Variants in ADCY8 observed in about 807,000 individuals in gnomAD.
ADCY8 encodes the protein adenylate cyclase 8.
A neutral mutation model predicts 119.7 loss-of-function variants in ADCY8; 51 were observed. The ratio of observed to expected loss-of-function variants is 0.43; its 90% CI spans 0.34 to 0.54. The LOEUF (loss-of-function observed/expected upper bound fraction) is 0.54. Ranked by LOEUF, ADCY8 falls within the 20% of genes least tolerant of loss-of-function variation. ADCY8 has a pLI of 0.03. For missense variants in ADCY8, 1,383 were observed against 1,598.8 expected, an observed-to-expected ratio of 0.87 and a Z score of 2.30; for synonymous variants, 665 against 651.0, an observed-to-expected ratio of 1.02 and a Z score of -0.33.
intron 7 of ADCY8, among the ~76,000 whole-genome samples, chr8:130,893,722 G>A (rs1431545448): frequency 1.5e-4 from 23 of 151,616 alleles, no homozygotes; most frequent in African/African-American, 4.1e-4. Flanking sequence ...GCATGTTTAT[G>A]TGTGTGTTTG....
Position 130,884,580 on chromosome 8 carries a change from G to A in ADCY8, c.2093C>T (p.Ser698Phe). The A allele has an allele frequency of 6.2e-7, 1 of 1,613,790 alleles. No homozygotes were observed. ...CAGCTCTACCTTGTGCTCCAGGCTG[G>A]AGTCTTTAAACATCAGTGAGAATGG... is the stretch of plus-strand genomic sequence containing the variant. ...IKPFSLMFKD[S>F]SLEHKYSQMR... Residue 698 changes from serine (S) to phenylalanine (F), a missense_variant, in exon 8 of 18, where the codon TCC (serine) becomes TTC (phenylalanine). By Grantham distance (155) the Ser-to-Phe change is radical (BLOSUM62 -2). Transcript: ENST00000286355.
chr8:130,864,824 G>C (rs920763981), intron 9 of ADCY8, among the ~76,000 whole-genome samples: 7 of 151,874 alleles, frequency 4.6e-5, no homozygotes, highest in Admixed American at 4.6e-4. Context: ...AAAATTCCCT[G>C]TATGATAATT....
intron 5 of ADCY8, among the ~76,000 whole-genome samples, chr8:130,931,893 A>G (rs1320201761): frequency 6.6e-6 from 1 of 152,024 alleles, no homozygotes; most frequent in African/African-American, 2.4e-5. Flanking sequence ...GGGATTCCTT[A>G]AAATAGTTAT....
intron 3 of ADCY8, among the ~76,000 whole-genome samples, chr8:130,948,346 C>G (rs530751604): frequency 1.3e-5 from 2 of 152,268 alleles, no homozygotes; most frequent in African/African-American, 4.8e-5. Flanking sequence ...CAGTAAAAAG[C>G]TGGTGGCCAG....
chr8:130,859,023 TAGACTC>T (rs1287849287), intron 9 of ADCY8, among the ~76,000 whole-genome samples: 2 of 152,144 alleles, frequency 1.3e-5, no homozygotes, highest in Admixed American at 6.5e-5. Flanking sequence ...GTCTCACTGT[TAGACTC>T]AGACAGTTCT....
intron 14 of ADCY8, among the ~76,000 whole-genome samples, chr8:130,811,315 A>G (rs771434421): frequency 5.9e-5 from 9 of 152,090 alleles, no homozygotes; most frequent in East Asian, 1.9e-4. Context: ...TCTGCCCTCT[A>G]TGGTCCTAAG....
chr8:131,032,392 A>G (rs1273368135), intron 1 of ADCY8, among the ~76,000 whole-genome samples: 1 of 152,214 alleles, frequency 6.6e-6, no homozygotes, highest in Admixed American at 6.5e-5. Context: ...ATTAAAATAT[A>G]TGATCTAGTT....
chr8:130,935,128 G>A lies in ADCY8; in HGVS notation c.1481+1945C>T, dbSNP rs367603439. The stretch of plus-strand genomic sequence containing the variant: ...CTGTCACTATGGACACATGCCTTCT[G>A]CTGATGGAAAGGTACTAAAAAGATT... On this transcript the variant is annotated intron_variant, in intron 5 of 17. Coordinates refer to ENST00000286355, the MANE Select transcript of ADCY8 (RefSeq NM_001115.3). 3.3e-5 allele frequency among the ~76,000 whole-genome samples: 5 copies of A among 152,296 alleles called. No individual in the cohort carries two copies. The East Asian group carries it at 9.7e-4, about 29-fold the overall frequency.
In ADCY8 at chr8:130,884,654, A is replaced by G. The variant is rs780285802; in HGVS notation, c.2019T>C (p.His673=). 2 of 1,613,842 alleles carry G rather than the reference A, an allele frequency of 1.2e-6. No individual in the cohort carries two copies. Among genetic ancestry groups the G allele is most frequent in the Non-Finnish European group, 1.7e-6 (2 of 1,179,850 alleles). The change falls in exon 8 of 18, where the codon CAT becomes CAC. Residue 673 remains histidine (H), a synonymous_variant. Transcript: ENST00000286355. ...TATCGCCACTCCGCAAGTCGATGGT[A>G]TGTTCTATTCTCTTGTTAATTTCCT... The part of the protein sequence containing the change: ...GPEEINKRIE[H]TIDLRSGDKL...
chr8:130,873,835 TGA>T (rs1563705787), intron 8 of ADCY8, among the ~76,000 whole-genome samples: 1 of 152,098 alleles, frequency 6.6e-6, no homozygotes, highest in Non-Finnish European at 1.5e-5. Flanking sequence ...AAATTTAGTT[TGA>T]TTAAAGAAAA....
intron 4 of ADCY8, among the ~76,000 whole-genome samples, chr8:130,941,681 T>C (rs1214418107): frequency 6.6e-6 from 1 of 152,126 alleles, no homozygotes; most frequent in Non-Finnish European, 1.5e-5. Context: ...TCCTAGCTAG[T>C]AGCTGTTCAG....
chr8:131,009,882 G>A (rs1321473244), intron 1 of ADCY8, among the ~76,000 whole-genome samples: 2 of 152,178 alleles, frequency 1.3e-5, no homozygotes, highest in Non-Finnish European at 2.9e-5. Flanking sequence ...GTAAAAAAGT[G>A]CCCAGAATTG....
intron 5 of ADCY8, among the ~76,000 whole-genome samples, chr8:130,917,763 T>TTGTGTGTGTGTG (rs146136196): frequency 2.0e-5 from 3 of 147,436 alleles, no homozygotes; most frequent in African/African-American, 2.5e-5. Context: ...CACAGGGAGT[T>TTGTGTGTGTGTG]TGTGTGTGTG....
chr8:130,970,465 A>G (rs1187584378), intron 2 of ADCY8, among the ~76,000 whole-genome samples: 1 of 152,230 alleles, frequency 6.6e-6, no homozygotes, highest in East Asian at 1.9e-4. Flanking sequence ...CAGGGAAACA[A>G]GCCCAGGGCT....
At chr8:130,787,193 C>T (rs1815275337) in intron 15 of ADCY8, among the ~76,000 whole-genome samples, 1 of 151,892 alleles carries the variant, frequency 6.6e-6, no homozygotes, top group South Asian at 2.1e-4. Context: ...AGAAAGAGAC[C>T]AAGTCAGGTT....
At chr8:130,992,424 TA>T (rs1822622195) in intron 1 of ADCY8, among the ~76,000 whole-genome samples, 3 of 130,934 alleles carry the variant, frequency 2.3e-5, no homozygotes, top group Admixed American at 7.5e-5. Flanking sequence ...TATATATATA[TA>T]TATATTTGAG....
intron 7 of ADCY8, among the ~76,000 whole-genome samples, chr8:130,897,743 A>G (rs1563718824): frequency 6.8e-6 from 1 of 148,024 alleles, no homozygotes; most frequent in Non-Finnish European, 1.5e-5. Context: ...CAACACATGC[A>G]ACATATACAT....
In ADCY8 at chr8:130,780,669, A is replaced by T; in HGVS notation, c.3477T>A (p.Ser1159Arg). ...ACGTTTTGATTTTTCCTTCCTGTTC[A>T]CTGATACCCTTCACATAGATCTCCC... is the stretch of plus-strand genomic sequence containing the variant. ...YRGEIYVKGI[S>R]EQEGKIKTYF... Residue 1159 changes from serine to arginine, a missense_variant, in exon 18 of 18, where the codon AGT (serine) becomes AGA (arginine). This residue lies in a region of ADCY8 where 928 missense variants were observed against 1,163.5 expected (regional missense o/e 0.80). Transcript: ENST00000286355. 1 of 1,614,160 alleles carries T rather than the reference A, an allele frequency of 6.2e-7. No individual in the cohort carries two copies.
intron 2 of ADCY8, among the ~76,000 whole-genome samples, chr8:130,969,267 C>T (rs893415306): frequency 1.1e-4 from 16 of 152,178 alleles, no homozygotes; most frequent in African/African-American, 3.9e-4. Flanking sequence ...AGGAATTCTG[C>T]AGCAGATGGC....
Sources: gnomAD v4.1 joint callset for allele counts (sites outside exome capture counted in the v4.1 genomes callset) on GRCh38, gnomAD v4.1.1 for gene constraint, gnomAD v4.1.1 regional missense constraint, MANE v1.5 for transcripts, NCBI Gene and HGNC (gene_info 2026-07-23, HGNC 2026-07-21) for gene names.